The following ROBO2 variants were observed in gnomAD, a reference collection of about 807,000 sequenced individuals.
The protein encoded by ROBO2 is roundabout homolog 2.
A neutral mutation model predicts 160.8 loss-of-function variants in ROBO2; 53 were observed. That is an observed-to-expected ratio of 0.33 (90% CI 0.26 to 0.41). ROBO2 has a LOEUF of 0.41. ROBO2 is among the 10% of genes least tolerant of loss of function. ROBO2 has a pLI of 1.00. For missense variants in ROBO2, 1,577 were observed against 1,722.4 expected (o/e 0.92, Z 1.49); for synonymous variants, 664 against 611.7 (o/e 1.09, Z -1.26).
chr3:76,984,726 G>A (rs1376935502), intron 2 of ROBO2, among the ~76,000 whole-genome samples: 1 of 151,930 alleles, frequency 6.6e-6, no homozygotes, highest in African/African-American at 2.4e-5. Context: ...TAGATTATAA[G>A]AGAATCAAAC....
At chr3:77,130,996 A>C (rs923105867) in intron 2 of ROBO2, among the ~76,000 whole-genome samples, 1 of 152,314 alleles carries the variant, frequency 6.6e-6, no homozygotes, top group East Asian at 1.9e-4. Flanking sequence ...TTAGAGTATT[A>C]GAATTTCTTA....
intron 2 of ROBO2, among the ~76,000 whole-genome samples, chr3:76,970,859 T>G (rs957766203): frequency 1.3e-5 from 2 of 152,200 alleles, no homozygotes; most frequent in Non-Finnish European, 2.9e-5. Flanking sequence ...TTCCTTCTAT[T>G]AGCTACATAA....
At chr3:77,206,171 T>C (rs999927217) in intron 2 of ROBO2, among the ~76,000 whole-genome samples, 21 of 152,072 alleles carry the variant, frequency 1.4e-4, no homozygotes, top group Non-Finnish European at 2.9e-4. Context: ...GTTTTTTTCT[T>C]ATTTTATTTT....
intron 2 of ROBO2, among the ~76,000 whole-genome samples, chr3:76,324,801 T>C (rs1015459594): frequency 1.3e-5 from 2 of 152,216 alleles, no homozygotes; most frequent in African/African-American, 4.8e-5. Context: ...AATCTGAGAA[T>C]GTGATTTTCT....
At chr3:76,120,015 T>C (rs2070680188) in intron 2 of ROBO2, among the ~76,000 whole-genome samples, 1 of 150,248 alleles carries the variant, frequency 6.7e-6, no homozygotes, top group Admixed American at 6.7e-5. Context: ...TTCTTTCTTT[T>C]TGACAGAGCC....
chr3:75,951,066 A>G (rs1948514881), intron 2 of ROBO2, among the ~76,000 whole-genome samples: 1 of 152,076 alleles, frequency 6.6e-6, no homozygotes, highest in Admixed American at 6.6e-5. Flanking sequence ...AGCCATAGAA[A>G]GTTAACTCTT....
At chr3:76,300,027 A>T (rs1437107968) in intron 2 of ROBO2, among the ~76,000 whole-genome samples, 1 of 152,130 alleles carries the variant, frequency 6.6e-6, no homozygotes, top group Admixed American at 6.6e-5. Flanking sequence ...CAAACTTCAC[A>T]GCTAAAAATA....
intron 1 of ROBO2, among the ~76,000 whole-genome samples, chr3:75,911,851 C>G (rs1452709167): frequency 1.3e-5 from 2 of 152,048 alleles, no homozygotes; most frequent in Admixed American, 6.6e-5. Flanking sequence ...CCACCGCGCC[C>G]TGCCGAAGCC....
intron 2 of ROBO2, among the ~76,000 whole-genome samples, chr3:76,975,202 A>T (rs2059755724): frequency 6.6e-6 from 1 of 152,190 alleles, no homozygotes; most frequent in African/African-American, 2.4e-5. Flanking sequence ...AGAAGGCTTC[A>T]GACCACATGT....
Position 76,675,007 on chromosome 3 carries a change from G to A in ROBO2, c.110-423007G>A, listed in dbSNP as rs115825784. Among the ~76,000 whole-genome samples the A allele has an allele frequency of 4.5e-3, 684 of 152,238 alleles. 4 individuals are homozygous for A. The highest frequency in any genetic ancestry group is 0.015 in the African/African-American group (626 of 41,566). On this transcript the variant is annotated intron_variant, in intron 2 of 26. Coordinates refer to the ROBO2 transcript ENST00000487694. ...AAGCATAGTAGCTCCTTTGGAGAGC[G>A]TCATAAAATATTAATTGTGTTTAAT...
At chr3:77,485,448 T>C (rs185609920) in intron 4 of ROBO2, among the ~76,000 whole-genome samples, 141 of 152,186 alleles carry the variant, frequency 9.3e-4, no homozygotes, top group African/African-American at 3.2e-3. Flanking sequence ...TCTTTTTCTT[T>C]TCTTCCCAAA....
intron 2 of ROBO2, among the ~76,000 whole-genome samples, chr3:76,372,984 A>C (rs963146946): frequency 3.9e-5 from 6 of 152,020 alleles, no homozygotes; most frequent in Admixed American, 2.0e-4. Context: ...GCAAGGAAGA[A>C]TAAGCGAATT....
chr3:77,146,536 T>C (rs577326056), intron 2 of ROBO2, among the ~76,000 whole-genome samples: 1 of 152,216 alleles, frequency 6.6e-6, no homozygotes, highest in Non-Finnish European at 1.5e-5. Flanking sequence ...TAGAGAATTA[T>C]AAATCAGATG....
chr3:77,120,196 G>A (rs939459661), intron 2 of ROBO2, among the ~76,000 whole-genome samples: 4 of 152,138 alleles, frequency 2.6e-5, no homozygotes, highest in African/African-American at 9.7e-5. Flanking sequence ...ATAGACATTG[G>A]CATTTATTCC....
intron 24 of ROBO2, among the ~76,000 whole-genome samples, chr3:77,637,017 T>C (rs2095275092): frequency 6.6e-6 from 1 of 152,212 alleles, no homozygotes; most frequent in Admixed American, 6.5e-5. Context: ...CACTGTACCC[T>C]ATAAGCACAC....
At chr3:77,182,948 T>C (rs2080930431) in intron 2 of ROBO2, among the ~76,000 whole-genome samples, 1 of 152,048 alleles carries the variant, frequency 6.6e-6, no homozygotes, top group South Asian at 2.1e-4. Context: ...GTATTCTCCC[T>C]ATCTTAGGGA....
At chr3:77,241,981 T>C (rs2089112493) in intron 2 of ROBO2, among the ~76,000 whole-genome samples, 1 of 152,182 alleles carries the variant, frequency 6.6e-6, no homozygotes, top group Non-Finnish European at 1.5e-5. Context: ...TAGGCCCAAA[T>C]TGTGAAAAAC....
At chr3:77,083,997 A>G (rs1160106794) in intron 1 of ROBO2, among the ~76,000 whole-genome samples, 1 of 152,112 alleles carries the variant, frequency 6.6e-6, no homozygotes, top group East Asian at 1.9e-4. Context: ...GGAATGAGTG[A>G]ATTATCTTCA....
upstream of ROBO2, among the ~76,000 whole-genome samples, chr3:77,036,552 G>A (rs1403037632): frequency 6.6e-6 from 1 of 151,840 alleles, no homozygotes; most frequent in Non-Finnish European, 1.5e-5. Flanking sequence ...CACAAAGAAG[G>A]CCATTGGATA....
Sources: allele counts gnomAD v4.1 joint callset (sites outside exome capture counted in the v4.1 genomes callset), GRCh38; gene constraint gnomAD v4.1.1; transcripts MANE v1.5; gene names NCBI Gene and HGNC (gene_info 2026-07-23, HGNC 2026-07-21).